CNMD: variants seen among roughly 807,000 people sequenced by gnomAD.
CNMD encodes leukocyte cell-derived chemotaxin 1.
CNMD carries 30 observed loss-of-function variants against 37.5 expected under a neutral mutation model. That is an observed-to-expected ratio of 0.80 (90% CI 0.60 to 1.09). The LOEUF (loss-of-function observed/expected upper bound fraction) is 1.09, where lower values mean the gene tolerates loss of function less well. Ranked by LOEUF, CNMD falls within the 50% of genes least tolerant of loss-of-function variation. The pLI is 0.00. For missense variants in CNMD, 398 were observed against 423.9 expected, an observed-to-expected ratio of 0.94 and a Z score of 0.54; for synonymous variants, 167 against 148.2, an observed-to-expected ratio of 1.13 and a Z score of -0.92.
Position 52,712,797 on chromosome 13 carries a change from C to T in CNMD, c.541G>A (p.Asp181Asn). 1 of 1,597,106 alleles carries T rather than the reference C, an allele frequency of 6.3e-7. No individual in the cohort carries two copies. The highest frequency in any genetic ancestry group is 8.5e-7 in the Non-Finnish European group (1 of 1,171,734). Residue 181 changes from aspartate to asparagine, a missense_variant, in exon 5 of 7, where the codon GAC becomes AAC. By Grantham distance (23) the Asp-to-Asn change is conservative. Coordinates refer to ENST00000377962, the MANE Select transcript of CNMD (RefSeq NM_007015.3). ...ACCTTAGAACTCAAGAAGCTGTTGTCCTTCACAGGCTGATCTACAGCCACC... is the reference window on the plus strand; with the variant it reads ...ACCTTAGAACTCAAGAAGCTGTTGTTCTTCACAGGCTGATCTACAGCCACC... The part of the protein sequence containing the change: ...IWVAVDQPVK[D>N]NSFLSSKVLE...
intron 4 of CNMD, among the ~76,000 whole-genome samples, chr13:52,720,582 G>A (rs771356336): frequency 1.2e-4 from 18 of 152,322 alleles, no homozygotes; most frequent in Non-Finnish European, 2.1e-4. Context: ...GTCTGCTGGA[G>A]TTTGCTGAGG....
chr13:52,731,739 C>A (rs982980031), intron 3 of CNMD, among the ~76,000 whole-genome samples: 2 of 152,228 alleles, frequency 1.3e-5, no homozygotes, highest in African/African-American at 4.8e-5. Context: ...TTGTAGCTCC[C>A]TTTGCATATC....
chr13:52,713,273 G>C (rs1161943813), intron 4 of CNMD, among the ~76,000 whole-genome samples: 1 of 152,184 alleles, frequency 6.6e-6, no homozygotes, highest in Non-Finnish European at 1.5e-5. Context: ...GTGGGGTTTT[G>C]TTCTGCAGCT....
chr13:52,718,896 T>G (rs1269666176), intron 4 of CNMD, among the ~76,000 whole-genome samples: 2 of 152,204 alleles, frequency 1.3e-5, no homozygotes, highest in Non-Finnish European at 2.9e-5. Context: ...ATTTTCTGTC[T>G]CATTGATCTG....
chr13:52,711,014 A>G (rs1211044276), intron 5 of CNMD, among the ~76,000 whole-genome samples: 1 of 152,136 alleles, frequency 6.6e-6, no homozygotes, highest in Non-Finnish European at 1.5e-5. Context: ...GTATCATATT[A>G]TACAATTTTC....
At chr13:52,710,116 TG>T (rs1358653228) in intron 5 of CNMD, among the ~76,000 whole-genome samples, 1 of 152,200 alleles carries the variant, frequency 6.6e-6, no homozygotes, top group African/African-American at 2.4e-5. Context: ...GTTTAAGCAG[TG>T]TGTTGCATAT....
At position 52,739,270 on chromosome 13, in the gene CNMD, G is replaced by T; in HGVS notation, c.73-99C>A. On this transcript the variant is annotated intron_variant, in intron 1 of 6. Coordinates refer to ENST00000377962, the MANE Select transcript of CNMD (RefSeq NM_007015.3). The surrounding 1 kb of genome is among the most constrained non-coding windows in gnomAD (Gnocchi z 5.4). ...CCACGCGGTAGCCCCCAGGGAGTGG[G>T]GAGTCGGGCGGGAAACAGCTCGCCC... The T allele has an allele frequency of 1.5e-6, 2 of 1,341,302 alleles. No homozygotes were observed. Among genetic ancestry groups the T allele is most frequent in the South Asian group, 1.6e-5 (1 of 62,686 alleles). 83.1% of individuals were successfully genotyped at this position (1,341,302 alleles called of 1,614,324 possible).
chr13:52,728,211 C>T (rs1964606556), intron 3 of CNMD, among the ~76,000 whole-genome samples: 1 of 152,092 alleles, frequency 6.6e-6, no homozygotes, highest in African/African-American at 2.4e-5. Flanking sequence ...CATGGTGAAA[C>T]CCCATCTCTA....
intron 2 of CNMD, among the ~76,000 whole-genome samples, chr13:52,738,398 T>G (rs1021925688): frequency 2.0e-5 from 3 of 152,216 alleles, no homozygotes; most frequent in African/African-American, 7.2e-5. Flanking sequence ...GTAAAACACC[T>G]ACTATTAAAC....
intron 4 of CNMD, 24 bp downstream of exon 4, chr13:52,723,973 T>C: frequency 7.1e-7 from 1 of 1,415,946 alleles, no homozygotes; most frequent in Non-Finnish European, 1.0e-6. Flanking sequence ...GCAGTCTCAC[T>C]GTCTCAGGCA....
intron 2 of CNMD, among the ~76,000 whole-genome samples, chr13:52,738,747 ACTG>A (rs1458956457): frequency 2.0e-5 from 3 of 152,104 alleles, no homozygotes; most frequent in Non-Finnish European, 4.4e-5. Flanking sequence ...CGGTCGCGCC[ACTG>A]CTTAGTGGGA....
chr13:52,732,766 A>C (rs1159779154), intron 3 of CNMD, among the ~76,000 whole-genome samples: 1 of 152,226 alleles, frequency 6.6e-6, no homozygotes, highest in Non-Finnish European at 1.5e-5. Flanking sequence ...CCGCTTGAAA[A>C]GAAATAGCTC....
intron 2 of CNMD, 123 bp downstream of exon 2, chr13:52,738,908 A>C (rs1594293717): frequency 1.2e-6 from 1 of 820,448 alleles, no homozygotes; most frequent in Non-Finnish European, 1.7e-6. Context: ...GGGAGAGGGG[A>C]GCTCACGCTG....
intron 4 of CNMD, among the ~76,000 whole-genome samples, chr13:52,715,649 A>C (rs1964364762): frequency 6.6e-6 from 1 of 152,198 alleles, no homozygotes; most frequent in South Asian, 2.1e-4. Flanking sequence ...GATGGTTTCC[A>C]GCTTCATCCG....
intron 6 of CNMD, 33 bp from the exon 7 acceptor site, chr13:52,703,843 T>C: frequency 6.4e-7 from 1 of 1,570,700 alleles, no homozygotes. Context: ...TTGTGATAAC[T>C]GCATAGTGGG....
At chr13:52,738,336 C>G (rs973774852) in intron 2 of CNMD, among the ~76,000 whole-genome samples, 1 of 152,092 alleles carries the variant, frequency 6.6e-6, no homozygotes, top group Non-Finnish European at 1.5e-5. Context: ...CCTCGAGAGC[C>G]GTGGAGCTTT....
At chr13:52,714,780 C>G (rs1404944493) in intron 4 of CNMD, among the ~76,000 whole-genome samples, 1 of 152,120 alleles carries the variant, frequency 6.6e-6, no homozygotes, top group Non-Finnish European at 1.5e-5. Context: ...CACACACACA[C>G]ACACACGGAG....
intron 4 of CNMD, among the ~76,000 whole-genome samples, chr13:52,715,049 T>C (rs1011045756): frequency 3.9e-5 from 6 of 152,204 alleles, no homozygotes; most frequent in East Asian, 3.8e-4. Flanking sequence ...TATATACTTA[T>C]GGGTTACCTA....
chr13:52,723,695 C>T (rs1478743699), intron 4 of CNMD, among the ~76,000 whole-genome samples: 2 of 151,858 alleles, frequency 1.3e-5, no homozygotes, highest in Admixed American at 6.6e-5. Flanking sequence ...TTTAGGAGGC[C>T]GAGGCAGGCA....
Sources: gnomAD v4.1 joint callset for allele counts (sites outside exome capture counted in the v4.1 genomes callset) on GRCh38, gnomAD v4.1.1 for gene constraint, Gnocchi (gnomAD v3.1) non-coding constraint, MANE v1.5 for transcripts, NCBI Gene and HGNC (gene_info 2026-07-23, HGNC 2026-07-21) for gene names.